Variants in RFX3 observed in about 807,000 individuals in gnomAD.
RFX3 encodes the protein transcription factor RFX3.
A neutral mutation model predicts 98.6 loss-of-function variants in RFX3; 14 were observed. That is an observed-to-expected ratio of 0.14 (90% CI 0.09 to 0.22). The LOEUF is 0.22. RFX3 is among the 10% of genes least tolerant of loss of function. The pLI is 1.00. For missense variants in RFX3, 639 were observed against 926.9 expected (o/e 0.69, Z 4.03); for synonymous variants, 383 against 328.4 (o/e 1.17, Z -1.80).
intron 4 of RFX3, among the ~76,000 whole-genome samples, chr9:3,303,951 A>G (rs1828978131): frequency 6.6e-6 from 1 of 152,008 alleles, no homozygotes; most frequent in African/African-American, 2.4e-5. Context: ...TCTTCTGCCT[A>G]ACTGACTTAG....
intron 1 of RFX3, among the ~76,000 whole-genome samples, chr9:3,450,855 C>T (rs1846544796): frequency 6.6e-6 from 1 of 152,240 alleles, no homozygotes; most frequent in Middle Eastern, 3.4e-3. Context: ...TAAATTATTG[C>T]AATGACTTAA....
intron 4 of RFX3, among the ~76,000 whole-genome samples, chr9:3,314,065 A>T (rs995636409): frequency 2.6e-5 from 4 of 152,192 alleles, no homozygotes; most frequent in African/African-American, 9.7e-5. Flanking sequence ...CAAGACACAT[A>T]ATTGTCAGAT....
intron 14 of RFX3, among the ~76,000 whole-genome samples, chr9:3,249,509 G>C (rs534395396): frequency 2.6e-5 from 4 of 152,200 alleles, no homozygotes; most frequent in African/African-American, 9.6e-5. Context: ...ACTTATGGAT[G>C]ACTAGAACGC....
intron 7 of RFX3, among the ~76,000 whole-genome samples, chr9:3,285,763 C>A (rs1826508530): frequency 6.6e-6 from 1 of 151,546 alleles, no homozygotes; most frequent in South Asian, 2.1e-4. Context: ...AAATAAGAAT[C>A]AAATTCAATT....
At chr9:3,452,185 T>A (rs1215573277) in intron 1 of RFX3, 1 of 158,992 alleles carries the variant, frequency 6.3e-6, no homozygotes, top group African/African-American at 2.4e-5. Context: ...AGGTGTGTCA[T>A]CTGCATCCTT....
intron 12 of RFX3, 62 bp downstream of exon 12, chr9:3,266,145 TA>T: frequency 1.1e-6 from 1 of 948,744 alleles, no homozygotes; most frequent in Non-Finnish European, 1.6e-6. Context: ...AGGATAGATG[TA>T]AAGTTCACAA....
chr9:3,378,500 T>G (rs1838795321), intron 2 of RFX3, among the ~76,000 whole-genome samples: 1 of 151,724 alleles, frequency 6.6e-6, no homozygotes, highest in South Asian at 2.1e-4. Context: ...TATTTTTAAG[T>G]AAAAATAAAT....
intron 1 of RFX3, among the ~76,000 whole-genome samples, chr9:3,427,653 C>G (rs897879980): frequency 6.6e-6 from 1 of 151,650 alleles, no homozygotes; most frequent in African/African-American, 2.4e-5. Context: ...TTGAGAAAAT[C>G]CCAAGGTGTT....
chr9:3,348,989 C>A (rs1834770248), intron 2 of RFX3, among the ~76,000 whole-genome samples: 1 of 152,120 alleles, frequency 6.6e-6, no homozygotes, highest in African/African-American at 2.4e-5. Flanking sequence ...TCAAAGACTA[C>A]AATTGGGACC....
chr9:3,222,797 G>T lies in RFX3; in HGVS notation c.*2245C>A, dbSNP rs1044680238. On this transcript the variant is annotated 3_prime_UTR_variant, in exon 17 of 17. Transcript: ENST00000617270. ...ATTGTCTTTTTGGGAGGAAAAAGGGGGACAGTAATTTAAATGACATTTAGA... is the reference window on the plus strand; with the variant it reads ...ATTGTCTTTTTGGGAGGAAAAAGGGTGACAGTAATTTAAATGACATTTAGA... 1 of 152,042 alleles carries T rather than the reference G, an allele frequency of 6.6e-6. No individual in the cohort carries two copies. The highest frequency in any genetic ancestry group is 1.5e-5 in the Non-Finnish European group (1 of 67,994). 9.4% of individuals were successfully genotyped at this position (152,042 alleles called of 1,614,324 possible).
At chr9:3,275,019 A>G (rs1825014724) in intron 9 of RFX3, among the ~76,000 whole-genome samples, 1 of 152,028 alleles carries the variant, frequency 6.6e-6, no homozygotes, top group Non-Finnish European at 1.5e-5. Flanking sequence ...TCTCGAAGTG[A>G]TCCATTTTGG....
chr9:3,356,488 T>G (rs1835787905), intron 2 of RFX3, among the ~76,000 whole-genome samples: 1 of 151,842 alleles, frequency 6.6e-6, no homozygotes, highest in African/African-American at 2.4e-5. Flanking sequence ...AAACTTGAAT[T>G]TATTCCCGCA....
intron 1 of RFX3, among the ~76,000 whole-genome samples, chr9:3,471,691 G>A (rs1213082506): frequency 6.6e-6 from 1 of 152,148 alleles, no homozygotes; most frequent in Non-Finnish European, 1.5e-5. Flanking sequence ...GAATAAGGTG[G>A]CTAGTTATTA....
chr9:3,251,311 G>A (rs535715235), intron 14 of RFX3, among the ~76,000 whole-genome samples: 4 of 152,080 alleles, frequency 2.6e-5, no homozygotes, highest in Non-Finnish European at 1.5e-5. Flanking sequence ...CCGGGTAGAA[G>A]TTTTTGTATT....
chr9:3,413,470 T>C (rs1842637127), intron 1 of RFX3, among the ~76,000 whole-genome samples: 1 of 152,118 alleles, frequency 6.6e-6, no homozygotes, highest in East Asian at 1.9e-4. Context: ...AACACTTTTA[T>C]TTTATTTTTA....
At chr9:3,388,511 A>G (rs1564027808) in intron 2 of RFX3, among the ~76,000 whole-genome samples, 1 of 152,124 alleles carries the variant, frequency 6.6e-6, no homozygotes, top group Non-Finnish European at 1.5e-5. Flanking sequence ...AGAAACCAAT[A>G]TAGCCAACTA....
At chr9:3,420,264 A>G (rs1383454860) in intron 1 of RFX3, among the ~76,000 whole-genome samples, 1 of 152,202 alleles carries the variant, frequency 6.6e-6, no homozygotes, top group East Asian at 1.9e-4. Flanking sequence ...ACACAGGCTG[A>G]GTACTAACAG....
chr9:3,509,846 T>C (rs895502462), intron 1 of RFX3, among the ~76,000 whole-genome samples: 1 of 151,902 alleles, frequency 6.6e-6, no homozygotes, highest in African/African-American at 2.4e-5. Context: ...CGGAGGAGTG[T>C]GGAGGCTGGA....
intron 1 of RFX3, among the ~76,000 whole-genome samples, chr9:3,412,567 T>G (rs1418248316): frequency 1.3e-5 from 2 of 152,156 alleles, no homozygotes; most frequent in Non-Finnish European, 2.9e-5. Flanking sequence ...GTAAATATGT[T>G]AGTAAAAGTT....
Sources: gnomAD v4.1 joint callset for allele counts (sites outside exome capture counted in the v4.1 genomes callset) on GRCh38, gnomAD v4.1.1 for gene constraint, MANE v1.5 for transcripts, NCBI Gene and HGNC (gene_info 2026-07-23, HGNC 2026-07-21) for gene names.